DIS3L2: variants seen among roughly 807,000 people sequenced by gnomAD.
DIS3L2 encodes DIS3-like exonuclease 2.
DIS3L2 carries 34 observed loss-of-function variants against 97.5 expected under a neutral mutation model. The ratio of observed to expected loss-of-function variants is 0.35; its 90% CI spans 0.27 to 0.46. The LOEUF (loss-of-function observed/expected upper bound fraction) is 0.46. Among genes scored for constraint, DIS3L2 ranks in the 20% least tolerant of loss-of-function variants. The pLI is 1.00. For synonymous variants in DIS3L2, 435 were observed against 445.2 expected (o/e 0.98, Z 0.29); for missense variants, 1,038 against 1,146.0 (o/e 0.91, Z 1.36).
chr2:232,160,999 C>A (rs747193067), intron 8 of DIS3L2, among the ~76,000 whole-genome samples: 4 of 152,146 alleles, frequency 2.6e-5, no homozygotes, highest in Non-Finnish European at 5.9e-5. Context: ...CTCACCGCAA[C>A]CTCCGCCTCC....
chr2:232,163,030 T>G (rs1025931924), intron 8 of DIS3L2, among the ~76,000 whole-genome samples: 2 of 152,210 alleles, frequency 1.3e-5, no homozygotes, highest in Non-Finnish European at 2.9e-5. Context: ...TTTTAAAATT[T>G]TAAAGATTAA....
rs1159803157 is a variant in DIS3L2 at position 232,292,664 on chromosome 2, C to T, written c.1660-7376C>T. On this transcript the variant is annotated intron_variant, in intron 13 of 20. Coordinates refer to ENST00000325385, the MANE Select transcript of DIS3L2 (RefSeq NM_152383.5). This position sits in a 1 kb window ranked among gnomAD's most constrained non-coding sequence, Gnocchi z 4.4. ...CCCAGTGGTAGTCTCATGCTCTGGC[C>T]GCCTGGAGCCTGCCCTCCTGTGTGA... 2.0e-5 allele frequency among the ~76,000 whole-genome samples: 3 copies of T among 152,192 alleles called. No homozygotes were observed. Among genetic ancestry groups the T allele is most frequent in the East Asian group, 1.9e-4 (1 of 5,184 alleles).
intron 14 of DIS3L2, chr2:232,307,551 G>C (rs764477903): frequency 2.0e-5 from 3 of 152,110 alleles, no homozygotes; most frequent in Non-Finnish European, 4.4e-5. Flanking sequence ...AACAGTGATA[G>C]CTATGAAGAG....
chr2:232,202,295 G>A (rs1251208448), intron 9 of DIS3L2, among the ~76,000 whole-genome samples: 1 of 152,180 alleles, frequency 6.6e-6, no homozygotes, highest in Non-Finnish European at 1.5e-5. Context: ...CTACTTGGGA[G>A]GCTGTGGCAG....
At chr2:232,249,120 G>A (rs1693345898) in intron 11 of DIS3L2, 119 bp from the exon 12 acceptor site, 2 of 892,504 alleles carry the variant, frequency 2.2e-6, no homozygotes, top group Non-Finnish European at 1.8e-6. Flanking sequence ...TGGGAACAGA[G>A]CCACCTCCAT....
In DIS3L2 at chr2:232,176,530, C is replaced by G. The variant is rs184579128; in HGVS notation, c.1124+12898C>G. Among the ~76,000 whole-genome samples, 11 of 147,980 alleles carry G rather than the reference C, an allele frequency of 7.4e-5. No homozygotes were observed. In the East Asian group the frequency reaches 2.2e-3, roughly 29 times the overall value. ...TCTGCTTGCTTAGGTTTAGTTTGTT[C>G]TTCTTTGGTTTCTTAAGGTGGAAGT... On this transcript the variant is annotated intron_variant, in intron 9 of 20. Coordinates refer to ENST00000325385, the MANE Select transcript of DIS3L2 (RefSeq NM_152383.5).
intron 9 of DIS3L2, among the ~76,000 whole-genome samples, chr2:232,204,558 C>G (rs1691979401): frequency 6.6e-6 from 1 of 152,140 alleles, no homozygotes; most frequent in African/African-American, 2.4e-5. Flanking sequence ...CATTCTTTCC[C>G]TCCCCCACCT....
intron 1 of DIS3L2, among the ~76,000 whole-genome samples, chr2:231,969,785 TTCTTC>T (rs1692839849): frequency 6.6e-6 from 1 of 152,228 alleles, no homozygotes; most frequent in Non-Finnish European, 1.5e-5. Flanking sequence ...CTTGTCTTGT[TTCTTC>T]TCTTAGGGAG....
Position 232,225,333 on chromosome 2 carries a change from C to G in DIS3L2, c.1205-13200C>G, listed in dbSNP as rs576946182. Among the ~76,000 whole-genome samples the G allele has an allele frequency of 1.2e-4, 19 of 152,204 alleles. No homozygotes were observed. In the South Asian group the frequency reaches 2.5e-3, roughly 20 times the overall value. On this transcript the variant is annotated intron_variant, in intron 10 of 20. Coordinates refer to ENST00000325385, the MANE Select transcript of DIS3L2 (RefSeq NM_152383.5). The stretch of plus-strand genomic sequence containing the variant: ...AAAAAACCAAAAACAATCTAAGTGC[C>G]TGATAACAATAAAATTAATAAATTG...
At chr2:232,072,952 TGTTAACTAGATA>T (rs1323968936) in intron 5 of DIS3L2, among the ~76,000 whole-genome samples, 3 of 152,148 alleles carry the variant, frequency 2.0e-5, no homozygotes, top group Non-Finnish European at 4.4e-5. Context: ...ATTCTTTGGC[TGTTAACTAGATA>T]AAAGGTACGT....
At chr2:232,198,101 G>A (rs1303526522) in intron 9 of DIS3L2, among the ~76,000 whole-genome samples, 1 of 152,030 alleles carries the variant, frequency 6.6e-6, no homozygotes, top group Non-Finnish European at 1.5e-5. Flanking sequence ...CTGCAGTTCT[G>A]TGACCTTGGG....
intron 5 of DIS3L2, among the ~76,000 whole-genome samples, chr2:232,045,547 C>T (rs1316048659): frequency 1.3e-5 from 2 of 152,132 alleles, no homozygotes; most frequent in Non-Finnish European, 2.9e-5. Context: ...ATGCTGTGTC[C>T]TCACATGGCA....
chr2:232,135,989 G>A (rs3103258), intron 7 of DIS3L2, among the ~76,000 whole-genome samples: 70,093 of 152,000 alleles, frequency 0.46, 18,766 homozygotes, highest in Non-Finnish European at 0.61. Context: ...TAGAGCTTGG[G>A]CTTAATCTTG....
Position 232,336,721 on chromosome 2 carries a change from T to C in DIS3L2, c.*91T>C, listed in dbSNP as rs1695966936. On this transcript the variant is annotated 3_prime_UTR_variant, in exon 21 of 21. Coordinates refer to ENST00000325385, the MANE Select transcript of DIS3L2 (RefSeq NM_152383.5). ...TTGACACGGAGGGGGGTTTTTAATTTGGTTTTTAACAACTCAGGGGTTTGT... is the reference window on the plus strand; with the variant it reads ...TTGACACGGAGGGGGGTTTTTAATTCGGTTTTTAACAACTCAGGGGTTTGT... The C allele has an allele frequency of 1.3e-6, 2 of 1,506,806 alleles. No homozygotes were observed. The highest frequency in any genetic ancestry group is 8.8e-7 in the Non-Finnish European group (1 of 1,139,256). 93.3% of individuals were successfully genotyped at this position (1,506,806 alleles called of 1,614,324 possible). A position where few individuals can be genotyped will look rare whatever the true frequency, so the allele number is the denominator to read the frequency against.
intron 6 of DIS3L2, among the ~76,000 whole-genome samples, chr2:232,108,911 C>T (rs766922530): frequency 3.9e-5 from 6 of 151,998 alleles, no homozygotes; most frequent in Admixed American, 6.6e-5. Context: ...TCAGAGATGA[C>T]GCAAACAAAG....
At chr2:232,022,858 C>T (rs917005800) in intron 3 of DIS3L2, among the ~76,000 whole-genome samples, 3 of 152,172 alleles carry the variant, frequency 2.0e-5, no homozygotes, top group Admixed American at 6.5e-5. Flanking sequence ...CAAGAAACAG[C>T]TGTCTAGAAG....
intron 5 of DIS3L2, among the ~76,000 whole-genome samples, chr2:232,087,232 A>G (rs1482210049): frequency 6.6e-6 from 1 of 152,142 alleles, no homozygotes; most frequent in Non-Finnish European, 1.5e-5. Context: ...AATGTAGATC[A>G]GAAATATGAG....
chr2:231,984,650 C>G (rs183168294), intron 1 of DIS3L2, among the ~76,000 whole-genome samples: 1 of 152,192 alleles, frequency 6.6e-6, no homozygotes, highest in African/African-American at 2.4e-5. Flanking sequence ...GCCTCGGCTT[C>G]CCAAAGTGCT....
At chr2:232,298,794 A>G (rs1294386063) in intron 13 of DIS3L2, among the ~76,000 whole-genome samples, 1 of 152,224 alleles carries the variant, frequency 6.6e-6, no homozygotes, top group African/African-American at 2.4e-5. Flanking sequence ...GTTGGCTTGC[A>G]TTTGGAATGT....
Sources: gnomAD v4.1 joint callset for allele counts (sites outside exome capture counted in the v4.1 genomes callset) on GRCh38, gnomAD v4.1.1 for gene constraint, Gnocchi (gnomAD v3.1) non-coding constraint, MANE v1.5 for transcripts, NCBI Gene and HGNC (gene_info 2026-07-23, HGNC 2026-07-21) for gene names.